Variants in ATP11A observed in about 807,000 individuals in gnomAD.
ATP11A encodes the protein phospholipid-transporting ATPase IH.
In ATP11A, 81 loss-of-function variants were observed where a neutral mutation model predicts 154.4. That is an observed-to-expected ratio of 0.52 (90% confidence interval 0.44 to 0.63). The LOEUF (loss-of-function observed/expected upper bound fraction) is 0.63. Ranked by LOEUF, ATP11A falls within the 30% of genes least tolerant of loss-of-function variation. ATP11A has a pLI of 0.00. For synonymous variants in ATP11A, 623 were observed against 585.9 expected (o/e 1.06, Z -0.91); for missense variants, 1,316 against 1,474.3 (o/e 0.89, Z 1.76).
At chr13:112,712,069 TA>T (rs1402599840) in intron 1 of ATP11A, among the ~76,000 whole-genome samples, 1 of 152,166 alleles carries the variant, frequency 6.6e-6, no homozygotes, top group African/African-American at 2.4e-5. Flanking sequence ...TCGATGAGTT[TA>T]AAAAACAAAG....
At chr13:112,817,919 C>T (rs745846064) in intron 6 of ATP11A, among the ~76,000 whole-genome samples, 2 of 152,204 alleles carry the variant, frequency 1.3e-5, no homozygotes, top group African/African-American at 2.4e-5. Flanking sequence ...GTTTGGATCC[C>T]GTGGGGCTCA....
chr13:112,828,118 G>GAAACGCCCAGCAGTGTTGAGTGTGGGGGA (rs143513857), intron 12 of ATP11A, among the ~76,000 whole-genome samples: 3 of 122,476 alleles, frequency 2.4e-5, no homozygotes, highest in East Asian at 2.5e-4. Flanking sequence ...TGAGTGGGGG[G>GAAACGCCCAGCAGTGTTGAGTGTGGGGGA]AAGCGCCCAG....
At chr13:112,755,894 C>T (rs1450344961) in intron 1 of ATP11A, among the ~76,000 whole-genome samples, 68 of 91,754 alleles carry the variant, frequency 7.4e-4, no homozygotes, top group Non-Finnish European at 1.3e-3. Flanking sequence ...GAGCGGCTCC[C>T]AGAACCATTT....
chr13:112,831,818 TG>T (rs1289291964), intron 13 of ATP11A, among the ~76,000 whole-genome samples: 1 of 152,062 alleles, frequency 6.6e-6, no homozygotes, highest in Non-Finnish European at 1.5e-5. Context: ...CGGACACACA[TG>T]CACACACGCT....
chr13:112,812,416 A>G (rs2078527319), intron 5 of ATP11A, among the ~76,000 whole-genome samples: 1 of 152,116 alleles, frequency 6.6e-6, no homozygotes, highest in African/African-American at 2.4e-5. Flanking sequence ...TTCCCAGCTG[A>G]GCCGTAGGAG....
rs141923180 is a variant in ATP11A, at chr13:112,766,069, C to A, written c.40-19066C>A. Among the ~76,000 whole-genome samples the A allele has an allele frequency of 7.2e-4, 110 of 152,252 alleles. 1 individual carries two copies. The highest frequency in any genetic ancestry group is 1.3e-3 in the Non-Finnish European group (88 of 68,004). On this transcript the variant is annotated intron_variant, in intron 1 of 29. Coordinates refer to ENST00000375645, the MANE Select transcript of ATP11A (RefSeq NM_015205.3). ...TTGTAGAAATTGACGCAGCGTTTTCCGATGTGCCCACCTGCTTGAGGAAGG... is the reference window on the plus strand; with the variant it reads ...TTGTAGAAATTGACGCAGCGTTTTCAGATGTGCCCACCTGCTTGAGGAAGG...
Position 112,826,845 on chromosome 13 carries a change from A to AG in ATP11A, c.1179dup (p.Pro394AlafsTer10). 1 of 1,614,154 alleles carries AG rather than the reference A, an allele frequency of 6.2e-7. No homozygotes were observed. Among genetic ancestry groups the AG allele is most frequent in the East Asian group, 2.2e-5 (1 of 44,870 alleles). On this transcript the variant is annotated frameshift_variant, in exon 12 of 30. Transcript: ENST00000375645. LOFTEE classifies it high-confidence loss of function. ...GACATGTTTGACGAGGAGACTGGCGAGGGGCCTCTGGTGAACACGTCGGAC... is the reference window on the plus strand; with the variant it reads ...GACATGTTTGACGAGGAGACTGGCGAGGGGGCCTCTGGTGAACACGTCGGAC...
chr13:112,861,066 A>G (rs1044179412), intron 24 of ATP11A, among the ~76,000 whole-genome samples: 1 of 152,182 alleles, frequency 6.6e-6, no homozygotes, highest in African/African-American at 2.4e-5. Context: ...AGGCATGAGG[A>G]GCAAAGGCAC....
intron 1 of ATP11A, among the ~76,000 whole-genome samples, chr13:112,775,225 C>G (rs967656348): frequency 6.6e-6 from 1 of 152,234 alleles, no homozygotes; most frequent in Non-Finnish European, 1.5e-5. Context: ...GTTTCTTCTT[C>G]CAGTGGGGTT....
chr13:112,860,282 T>C lies in ATP11A; in HGVS notation c.2728-5T>C. 6.2e-7 allele frequency: 1 copy of C among 1,612,334 alleles called. No homozygotes were observed. Among genetic ancestry groups the C allele is most frequent in the East Asian group, 2.2e-5 (1 of 44,828 alleles). On this transcript the variant is annotated splice_polypyrimidine_tract_variant and splice_region_variant and intron_variant, in intron 23 of 29. Coordinates refer to ENST00000375645, the MANE Select transcript of ATP11A (RefSeq NM_015205.3). Reference sequence around the variant, plus strand: ...GTGCCACTTCTTGTGACTTTCCTCTTACAGACTTTGTACGACACCGCGTAT... The same window carrying C: ...GTGCCACTTCTTGTGACTTTCCTCTCACAGACTTTGTACGACACCGCGTAT...
At chr13:112,843,454 C>G (rs1468441366) in intron 17 of ATP11A, among the ~76,000 whole-genome samples, 1 of 152,224 alleles carries the variant, frequency 6.6e-6, no homozygotes, top group Admixed American at 6.5e-5. Flanking sequence ...AGCACCTCCT[C>G]TCACACCGAC....
At chr13:112,803,736 CTT>C (rs2078203052) in intron 2 of ATP11A, among the ~76,000 whole-genome samples, 1 of 125,890 alleles carries the variant, frequency 7.9e-6, no homozygotes, top group Non-Finnish European at 1.7e-5. Context: ...CCCTGACCTC[CTT>C]CCCCTCCTTC....
At chr13:112,789,423 C>G (rs757680959) in intron 2 of ATP11A, among the ~76,000 whole-genome samples, 1 of 147,182 alleles carries the variant, frequency 6.8e-6, no homozygotes. Flanking sequence ...CTGTGGAGAC[C>G]TACTTAATTC....
intron 1 of ATP11A, among the ~76,000 whole-genome samples, chr13:112,748,744 G>A (rs936421247): frequency 1.3e-5 from 2 of 152,158 alleles, no homozygotes; most frequent in African/African-American, 4.8e-5. Context: ...TTGCTAGCCA[G>A]CTACAGAGAT....
intron 1 of ATP11A, among the ~76,000 whole-genome samples, chr13:112,771,593 C>T (rs1427339823): frequency 6.6e-6 from 1 of 152,208 alleles, no homozygotes; most frequent in Non-Finnish European, 1.5e-5. Context: ...CCCTATCTGT[C>T]ATGAGTAGTG....
At position 112,886,037 on chromosome 13, in the gene ATP11A, C is replaced by CGCCG. The variant is rs1566617516; in HGVS notation, c.*4172_*4175dup. On this transcript the variant is annotated 3_prime_UTR_variant, in exon 30 of 30. Coordinates refer to ENST00000375645, the MANE Select transcript of ATP11A (RefSeq NM_015205.3). The stretch of plus-strand genomic sequence containing the variant: ...GCCACAGCAGGACTGGCCACACCCA[C>CGCCG]GCCGCACCTCATCCGTGCACGCGTC... 2.6e-5 allele frequency: 4 copies of CGCCG among 152,328 alleles called. No homozygotes were observed. The highest frequency in any genetic ancestry group is 9.6e-5 in the African/African-American group (4 of 41,476). 9.4% of individuals were successfully genotyped at this position (152,328 alleles called of 1,614,324 possible). A position where few individuals can be genotyped will look rare whatever the true frequency, so the allele number is the denominator to read the frequency against.
At chr13:112,819,764 G>C (rs538988935) in intron 7 of ATP11A, 136 bp from the exon 8 acceptor site, 7 of 838,632 alleles carry the variant, frequency 8.3e-6, no homozygotes, top group Admixed American at 2.0e-5. Context: ...GAAGGGGCTG[G>C]AGCGGGGCTG....
intron 1 of ATP11A, among the ~76,000 whole-genome samples, chr13:112,749,609 C>T (rs898628959): frequency 6.6e-6 from 1 of 152,256 alleles, no homozygotes; most frequent in Non-Finnish European, 1.5e-5. Flanking sequence ...AAGCTGGGAA[C>T]GTTGATTCCT....
At chr13:112,846,003 G>C (rs943713820) in intron 17 of ATP11A, among the ~76,000 whole-genome samples, 2 of 152,204 alleles carry the variant, frequency 1.3e-5, no homozygotes, top group Non-Finnish European at 2.9e-5. Flanking sequence ...GCTGCGGGCC[G>C]CCTGCTGTGC....
Sources: gnomAD v4.1 joint callset for allele counts (sites outside exome capture counted in the v4.1 genomes callset) on GRCh38, gnomAD v4.1.1 for gene constraint, MANE v1.5 for transcripts, NCBI Gene and HGNC (gene_info 2026-07-23, HGNC 2026-07-21) for gene names.